SLC1A6: variants seen among roughly 807,000 people sequenced by gnomAD.
SLC1A6 encodes excitatory amino acid transporter 4.
SLC1A6 carries 15 observed loss-of-function variants against 42.1 expected under a neutral mutation model. The observed-to-expected ratio is 0.36, with a 90% CI of 0.24 to 0.55. The LOEUF is 0.55. Ranked by LOEUF, SLC1A6 falls within the 20% of genes least tolerant of loss-of-function variation. SLC1A6 has a pLI of 0.88. For missense variants in SLC1A6, 542 were observed against 772.5 expected (o/e 0.70, Z 3.54); for synonymous variants, 317 against 319.7 (o/e 0.99, Z 0.09).
Position 14,971,762 on chromosome 19 carries a change from A to T in SLC1A6, c.318T>A (p.Pro106=), listed in dbSNP as rs977594706. The change falls in exon 3 of 10, where the codon CCT becomes CCA. Residue 106 remains proline (P), a synonymous_variant. Transcript: ENST00000594383. ...LMRMLQMLVL[P]LIVSSLVTGM... The stretch of plus-strand genomic sequence containing the variant: ...CTGTGACCAGGCTGGAGACAATGAG[A>T]GGTAACACCAGCATCTGCAGCATCC... 3 of 1,614,134 alleles carry T rather than the reference A, an allele frequency of 1.9e-6. No homozygotes were observed. The highest frequency in any genetic ancestry group is 4.5e-5 in the East Asian group (2 of 44,884).
chr19:15,008,842 G>A (rs981109257), intron 1 of SLC1A6, among the ~76,000 whole-genome samples: 10 of 90,496 alleles, frequency 1.1e-4, no homozygotes, highest in African/African-American at 4.1e-4. Flanking sequence ...AAAATAATTC[G>A]CGTTTTTTTT....
At chr19:14,986,395 G>T (rs939663511) in intron 1 of SLC1A6, among the ~76,000 whole-genome samples, 3 of 151,808 alleles carry the variant, frequency 2.0e-5, no homozygotes, top group African/African-American at 7.2e-5. Context: ...GGTGGGGGGT[G>T]CCTGTAATCT....
At chr19:14,994,507 C>T (rs2045835814) in intron 1 of SLC1A6, among the ~76,000 whole-genome samples, 1 of 152,142 alleles carries the variant, frequency 6.6e-6, no homozygotes, top group Non-Finnish European at 1.5e-5. Context: ...GACCCAACTC[C>T]CCTCAAACTG....
intron 6 of SLC1A6, among the ~76,000 whole-genome samples, chr19:14,957,565 G>A (rs1469369269): frequency 1.3e-5 from 2 of 152,218 alleles, no homozygotes; most frequent in Non-Finnish European, 2.9e-5. Context: ...CATGGAATCT[G>A]TGGGTGCCTT....
At chr19:14,960,102 G>A (rs1177063134) in intron 6 of SLC1A6, among the ~76,000 whole-genome samples, 1 of 143,500 alleles carries the variant, frequency 7.0e-6, no homozygotes, top group African/African-American at 2.6e-5. Flanking sequence ...AGTAATAAAG[G>A]AATCTAGAGA....
chr19:14,952,685 A>G (rs2045424384), intron 9 of SLC1A6, among the ~76,000 whole-genome samples: 1 of 151,926 alleles, frequency 6.6e-6, no homozygotes, highest in African/African-American at 2.4e-5. Context: ...GTAAAAGAGG[A>G]GTTTTTCTGC....
intron 6 of SLC1A6, 177 bp downstream of exon 6, chr19:14,961,825 A>G (rs1378009903): frequency 2.3e-6 from 2 of 867,472 alleles, no homozygotes; most frequent in East Asian, 2.7e-5. Context: ...AAGGAAGTCA[A>G]CTAGTGATGA....
At position 14,956,518 on chromosome 19, in the gene SLC1A6, C is replaced by T; in HGVS notation, c.1127G>A (p.Gly376Asp). 2 of 1,607,114 alleles carry T rather than the reference C, an allele frequency of 1.2e-6. No homozygotes were observed. Among genetic ancestry groups the T allele is most frequent in the South Asian group, 1.1e-5 (1 of 89,776 alleles). ...AGCGGTGATGAGGGCTTGTAGCATG[C>T]CCCCAATGAAGGGGAAGGGGTTCCG... ...THRNPFPFIG[G>D]MLQALITAMG... Residue 376 changes from glycine to aspartate, a missense_variant, in exon 7 of 10, where the codon GGC (glycine) becomes GAC (aspartate). Coordinates refer to ENST00000594383, the MANE Select transcript of SLC1A6 (RefSeq NM_005071.3).
chr19:14,972,773 G>C lies in SLC1A6; in HGVS notation c.138C>G (p.Leu46=), dbSNP rs375947347. Residue 46 remains leucine, a synonymous_variant, in exon 2 of 10, where the codon CTC becomes CTG. Transcript: ENST00000594383. ...GGCGCAGGAAGCGCAGCACGTGCTC[G>C]AGGGTCATGGTCTGCAGGCGCAGGC... ...RTRLRLQTMT[L]EHVLRFLRRN... 3 of 1,613,934 alleles carry C rather than the reference G, an allele frequency of 1.9e-6. No homozygotes were observed. Among genetic ancestry groups the C allele is most frequent in the South Asian group, 1.1e-5 (1 of 91,070 alleles).
chr19:15,001,742 C>G (rs1349862473), intron 1 of SLC1A6, among the ~76,000 whole-genome samples: 1 of 152,068 alleles, frequency 6.6e-6, no homozygotes, highest in Non-Finnish European at 1.5e-5. Context: ...CTCATTGCAG[C>G]CTCGACCTCC....
At position 14,951,361 on chromosome 19, in the gene SLC1A6, C is replaced by A. The variant is rs551018349; in HGVS notation, c.1500-971G>T. ...AGCACATAGAATCCGGAATGGTAAA[C>A]CAGGGCAGGCCTGAGTCAATACAGG... On this transcript the variant is annotated intron_variant, in intron 9 of 9. Transcript: ENST00000594383. 5.9e-5 allele frequency among the ~76,000 whole-genome samples: 9 copies of A among 151,332 alleles called. No homozygotes were observed. In the South Asian group the frequency reaches 1.0e-3, roughly 18 times the overall value.
chr19:14,972,961 G>GA (rs1327129043), intron 1 of SLC1A6, 44 bp from the exon 2 acceptor site: 1 of 1,455,408 alleles, frequency 6.9e-7, no homozygotes. Flanking sequence ...GGCCAGGACA[G>GA]AAGGCCGGCG....
intron 1 of SLC1A6, among the ~76,000 whole-genome samples, chr19:14,989,603 C>T (rs1048882418): frequency 6.6e-6 from 1 of 151,800 alleles, no homozygotes; most frequent in African/African-American, 2.4e-5. Context: ...CAGGGGAATT[C>T]GGAGAAAAGA....
intron 4 of SLC1A6, among the ~76,000 whole-genome samples, chr19:14,967,877 C>T (rs1231118299): frequency 2.0e-5 from 3 of 152,198 alleles, no homozygotes; most frequent in Non-Finnish European, 2.9e-5. Flanking sequence ...CACCACTGAC[C>T]ATGGGCTGGT....
At chr19:14,953,614 C>T (rs914478315) in intron 8 of SLC1A6, among the ~76,000 whole-genome samples, 9 of 151,998 alleles carry the variant, frequency 5.9e-5, no homozygotes, top group African/African-American at 2.2e-4. Context: ...AAAATTCATA[C>T]TATATGGAGA....
At chr19:14,992,126 C>T (rs2045823632) in intron 1 of SLC1A6, among the ~76,000 whole-genome samples, 1 of 152,152 alleles carries the variant, frequency 6.6e-6, no homozygotes. Flanking sequence ...GCGCCCAGTG[C>T]CTTCTGCTTT....
chr19:15,001,988 A>G (rs2045874536), intron 1 of SLC1A6, among the ~76,000 whole-genome samples: 1 of 152,142 alleles, frequency 6.6e-6, no homozygotes, highest in Non-Finnish European at 1.5e-5. Flanking sequence ...ACCCAAATTC[A>G]CTAATGAGAA....
chr19:15,005,114 G>A (rs2045889839), intron 1 of SLC1A6, among the ~76,000 whole-genome samples: 1 of 152,062 alleles, frequency 6.6e-6, no homozygotes, highest in Non-Finnish European at 1.5e-5. Flanking sequence ...TTTTAAATTA[G>A]CCAGGCATGG....
Position 14,968,427 on chromosome 19 carries a change from C to A in SLC1A6, c.424G>T (p.Ala142Ser). 1 of 1,613,712 alleles carries A rather than the reference C, an allele frequency of 6.2e-7. No homozygotes were observed. The highest frequency in any genetic ancestry group is 8.5e-7 in the Non-Finnish European group (1 of 1,179,894). Reference sequence around the variant, plus strand: ...ACCATGAGGATGCCGATGAAGACCGCGATGATGGTGGTCACCATGTAGTAC... The same window carrying A: ...ACCATGAGGATGCCGATGAAGACCGAGATGATGGTGGTCACCATGTAGTAC... ...AVYYMVTTII[A>S]VFIGILMVTI... Residue 142 changes from alanine to serine, a missense_variant, in exon 4 of 10, where the codon GCG becomes TCG. Coordinates refer to ENST00000594383, the MANE Select transcript of SLC1A6 (RefSeq NM_005071.3).
Sources: gnomAD v4.1 joint callset for allele counts (sites outside exome capture counted in the v4.1 genomes callset) on GRCh38, gnomAD v4.1.1 for gene constraint, MANE v1.5 for transcripts, NCBI Gene and HGNC (gene_info 2026-07-23, HGNC 2026-07-21) for gene names.